The following TENM4 variants were observed in gnomAD, a reference collection of about 807,000 sequenced individuals.
TENM4 encodes the protein teneurin-4.
A neutral mutation model predicts 243.3 loss-of-function variants in TENM4; 82 were observed. That is an observed-to-expected ratio of 0.34 (90% CI 0.28 to 0.40). The LOEUF (loss-of-function observed/expected upper bound fraction) is 0.40. TENM4 is among the 10% of genes least tolerant of loss of function. The pLI is 1.00. For synonymous variants in TENM4, 1,412 were observed against 1,456.3 expected (o/e 0.97, Z 0.69); for missense variants, 3,138 against 3,673.3 (o/e 0.85, Z 3.77).
chr11:78,914,947 G>A (rs1444451390), intron 6 of TENM4, among the ~76,000 whole-genome samples: 2 of 152,210 alleles, frequency 1.3e-5, no homozygotes, highest in Non-Finnish European at 2.9e-5. Context: ...ATCAGATGGA[G>A]TGAACTCCCT....
chr11:79,052,194 C>T (rs1859813176), intron 6 of TENM4, among the ~76,000 whole-genome samples: 1 of 152,316 alleles, frequency 6.6e-6, no homozygotes, highest in Middle Eastern at 3.4e-3. Flanking sequence ...TGAGGAATTG[C>T]CACGCTGTCT....
intron 6 of TENM4, among the ~76,000 whole-genome samples, chr11:78,990,707 G>A (rs1345778384): frequency 6.6e-6 from 1 of 152,088 alleles, no homozygotes; most frequent in African/African-American, 2.4e-5. Context: ...CGACAGGATG[G>A]GTGTTGATGC....
At chr11:78,967,419 A>G (rs1273964060) in intron 6 of TENM4, among the ~76,000 whole-genome samples, 2 of 152,242 alleles carry the variant, frequency 1.3e-5, no homozygotes, top group Non-Finnish European at 2.9e-5. Flanking sequence ...TGAGAACACT[A>G]GAAAAAGGAA....
At chr11:79,059,946 A>G (rs1860044199) in intron 6 of TENM4, among the ~76,000 whole-genome samples, 1 of 152,334 alleles carries the variant, frequency 6.6e-6, no homozygotes, top group South Asian at 2.1e-4. Context: ...CTGCACCTCT[A>G]TTAAAGAGCT....
chr11:79,043,776 G>A (rs1429228426), intron 6 of TENM4, among the ~76,000 whole-genome samples: 1 of 152,114 alleles, frequency 6.6e-6, no homozygotes, highest in Non-Finnish European at 1.5e-5. Context: ...GGAGTCAAAA[G>A]AAAATAGCTT....
intron 2 of TENM4, among the ~76,000 whole-genome samples, chr11:79,288,563 T>A (rs920291451): frequency 1.3e-5 from 2 of 152,166 alleles, no homozygotes; most frequent in Admixed American, 6.5e-5. Flanking sequence ...ATTTCAAAGG[T>A]ACGGAAGAAA....
At chr11:78,930,931 G>T (rs1204966601) in intron 6 of TENM4, among the ~76,000 whole-genome samples, 2 of 152,202 alleles carry the variant, frequency 1.3e-5, no homozygotes, top group Non-Finnish European at 2.9e-5. Flanking sequence ...ATACGGTCCA[G>T]GGGAAGGGTT....
intron 2 of TENM4, among the ~76,000 whole-genome samples, chr11:79,259,490 CATCT>C (rs1358876424): frequency 2.0e-5 from 3 of 151,468 alleles, no homozygotes; most frequent in East Asian, 1.9e-4. Context: ...TCCATCCATC[CATCT>C]ATCCATGCAT....
intron 1 of TENM4, among the ~76,000 whole-genome samples, chr11:79,367,554 T>C (rs1211197921): frequency 6.6e-6 from 1 of 152,222 alleles, no homozygotes. Context: ...AGAATTGCCA[T>C]CATTTTGTCC....
At chr11:79,167,302 C>T (rs977380261) in intron 3 of TENM4, among the ~76,000 whole-genome samples, 1 of 152,138 alleles carries the variant, frequency 6.6e-6, no homozygotes, top group African/African-American at 2.4e-5. Flanking sequence ...AGGAGTTCAA[C>T]CTTTATCTTA....
chr11:78,918,148 C>G (rs548480008), intron 6 of TENM4, among the ~76,000 whole-genome samples: 2 of 152,132 alleles, frequency 1.3e-5, no homozygotes, highest in African/African-American at 4.8e-5. Context: ...CTGACCTGTA[C>G]GTTTCACCTG....
At chr11:79,316,839 C>T (rs1278046974) in intron 1 of TENM4, among the ~76,000 whole-genome samples, 1 of 152,144 alleles carries the variant, frequency 6.6e-6, no homozygotes, top group East Asian at 1.9e-4. Flanking sequence ...AGGCAAAACT[C>T]TACAGAACTT....
At chr11:79,070,884 AG>A (rs1423217740) in intron 4 of TENM4, among the ~76,000 whole-genome samples, 3 of 152,060 alleles carry the variant, frequency 2.0e-5, no homozygotes, top group African/African-American at 7.2e-5. Context: ...TCCTACTCTT[AG>A]TACACAAAAG....
intron 6 of TENM4, among the ~76,000 whole-genome samples, chr11:78,963,914 T>G (rs1469634908): frequency 1.3e-5 from 2 of 151,392 alleles, no homozygotes; most frequent in African/African-American, 4.9e-5. Flanking sequence ...TTTTTTTGTA[T>G]TTTTAGTTGA....
chr11:79,409,062 G>A (rs77277137), intron 1 of TENM4, among the ~76,000 whole-genome samples: 1 of 62,154 alleles, frequency 1.6e-5, no homozygotes, highest in Non-Finnish European at 3.3e-5. Context: ...GGGATATTTT[G>A]TGTGTGTGTG....
intron 6 of TENM4, among the ~76,000 whole-genome samples, chr11:78,988,447 G>A (rs1857968417): frequency 1.3e-5 from 2 of 152,158 alleles, no homozygotes; most frequent in South Asian, 2.1e-4. Flanking sequence ...CTACATTTTG[G>A]GGCAATTTGT....
intron 19 of TENM4, among the ~76,000 whole-genome samples, chr11:78,745,083 T>A (rs1856016151): frequency 6.6e-6 from 1 of 152,150 alleles, no homozygotes; most frequent in Non-Finnish European, 1.5e-5. Context: ...ATGAGTAAGT[T>A]TGGTTAACAC....
Position 78,854,205 on chromosome 11 carries a change from T to G in TENM4, c.1580A>C (p.Glu527Ala). ...ATCCAAATACTGGATGAAGCCTGTC[T>G]CATGGCTGGAGGGGGGCACAGTTCC... ...SRGTVPPSSH[E>A]TGFIQYLDSG... Residue 527 changes from glutamate (E) to alanine (A), a missense_variant, in exon 12 of 34, where the codon GAG becomes GCG. By Grantham distance (107) the Glu-to-Ala change is moderately radical. Coordinates refer to ENST00000278550, the MANE Select transcript of TENM4 (RefSeq NM_001098816.3). The G allele has an allele frequency of 6.4e-7, 1 of 1,551,638 alleles. No individual in the cohort carries two copies. The highest frequency in any genetic ancestry group is 8.7e-7 in the Non-Finnish European group (1 of 1,146,966).
chr11:79,048,186 A>G (rs1859704558), intron 6 of TENM4, among the ~76,000 whole-genome samples: 1 of 152,098 alleles, frequency 6.6e-6, no homozygotes. Flanking sequence ...TCACATACCA[A>G]CCTCAGACAA....
Sources: gnomAD v4.1 joint callset for allele counts (sites outside exome capture counted in the v4.1 genomes callset) on GRCh38, gnomAD v4.1.1 for gene constraint, MANE v1.5 for transcripts, NCBI Gene and HGNC (gene_info 2026-07-23, HGNC 2026-07-21) for gene names.